Variants in HPSE observed in about 807,000 individuals in gnomAD.
HPSE encodes the protein heparanase.
A neutral mutation model predicts 65.1 loss-of-function variants in HPSE; 48 were observed. The ratio of observed to expected loss-of-function variants is 0.74; its 90% CI spans 0.58 to 0.94. HPSE has a LOEUF of 0.94. HPSE is among the 40% of genes least tolerant of loss of function. HPSE has a pLI of 0.00. For synonymous variants in HPSE, 243 were observed against 260.0 expected (o/e 0.93, Z 0.63); for missense variants, 644 against 637.5 (o/e 1.01, Z -0.11).
intron 2 of HPSE, among the ~76,000 whole-genome samples, chr4:83,320,363 G>A (rs1736839037): frequency 6.6e-6 from 1 of 152,124 alleles, no homozygotes; most frequent in African/African-American, 2.4e-5. Flanking sequence ...TCAGGAGTTT[G>A]AGACTAGCCT....
chr4:83,314,905 C>A (rs1355902727), intron 3 of HPSE, among the ~76,000 whole-genome samples: 1 of 152,118 alleles, frequency 6.6e-6, no homozygotes, highest in African/African-American at 2.4e-5. Flanking sequence ...CCTGTAATCC[C>A]AGCACTTTGG....
chr4:83,302,103 T>TA, intron 10 of HPSE, 47 bp downstream of exon 10: 1 of 1,264,274 alleles, frequency 7.9e-7, no homozygotes, highest in Non-Finnish European at 1.2e-6. Flanking sequence ...GTTACAGGCT[T>TA]ACCCACTAAA....
rs1439723102 is a variant in HPSE, at chr4:83,292,853, T to G, written c.*2491A>C. On this transcript the variant is annotated 3_prime_UTR_variant, in exon 12 of 12. Coordinates refer to ENST00000311412, the MANE Select transcript of HPSE (RefSeq NM_001098540.3). Reference sequence around the variant, plus strand: ...CAGTGGTATAAGGGATGTTGGAGACTCAGAAGGGAAGAGGGCGGAAGGAGG... The same window carrying G: ...CAGTGGTATAAGGGATGTTGGAGACGCAGAAGGGAAGAGGGCGGAAGGAGG... 1 of 152,132 alleles carries G rather than the reference T, an allele frequency of 6.6e-6. No homozygotes were observed. The highest frequency in any genetic ancestry group is 1.5e-5 in the Non-Finnish European group (1 of 68,042). The allele number at this position is 152,132 out of a possible 1,614,324, so 9.4% of individuals were successfully genotyped here.
chr4:83,302,406 C>CTTT (rs779578507), intron 9 of HPSE, 138 bp from the exon 10 acceptor site: 11 of 502,372 alleles, frequency 2.2e-5, no homozygotes, highest in Admixed American at 7.4e-5. Context: ...TAGGATTCAT[C>CTTT]TTTTTTTTTT....
chr4:83,332,650 TATC>T (rs1424557914), intron 1 of HPSE, among the ~76,000 whole-genome samples: 2 of 152,276 alleles, frequency 1.3e-5, no homozygotes, highest in East Asian at 3.9e-4. Flanking sequence ...AGAATAAAGG[TATC>T]ATCCTCACTA....
Position 83,312,949 on chromosome 4 carries a change from G to A in HPSE, c.673+165C>T, listed in dbSNP as rs1407970214. ...AGGCAGGAGAATGGCGTGAATTTGG[G>A]AGGCAGAGCTTCAAGTGAGCCGAGG... is the stretch of plus-strand genomic sequence containing the variant. On this transcript the variant is annotated intron_variant, in intron 4 of 11. Transcript: ENST00000311412. 4.1e-5 allele frequency among the ~76,000 whole-genome samples: 6 copies of A among 147,432 alleles called. No individual in the cohort carries two copies. The South Asian group carries it at 1.1e-3, about 26-fold the overall frequency.
chr4:83,313,437 A>C (rs1410782054), intron 3 of HPSE, 150 bp from the exon 4 acceptor site: 1 of 552,462 alleles, frequency 1.8e-6, no homozygotes, highest in African/African-American at 2.2e-5. Context: ...TTGAGACAAC[A>C]AAATTGGACA....
At chr4:83,322,785 TTGTTTGTGTGTGTGTGTGTGTGTGTG>T (rs1293772334) in intron 1 of HPSE, among the ~76,000 whole-genome samples, 80 of 78,878 alleles carry the variant, frequency 1.0e-3, no homozygotes, top group Non-Finnish European at 2.1e-3. Context: ...TGGCAAGAGC[TTGTTTGTGTGTGTGTGTGTGTGTGTG>T]TGTGTGTGTG....
At chr4:83,316,275 C>T (rs1025385695) in intron 3 of HPSE, among the ~76,000 whole-genome samples, 3 of 151,800 alleles carry the variant, frequency 2.0e-5, no homozygotes, top group Non-Finnish European at 4.4e-5. Context: ...GATCCACCTG[C>T]CTCAGCCTCT....
chr4:83,333,779 C>T (rs1316901370), intron 1 of HPSE, among the ~76,000 whole-genome samples: 1 of 151,418 alleles, frequency 6.6e-6, no homozygotes, highest in African/African-American at 2.4e-5. Context: ...GCAGTAGTCT[C>T]CTAGGTCTCA....
intron 9 of HPSE, among the ~76,000 whole-genome samples, chr4:83,304,591 T>C (rs900728910): frequency 3.3e-5 from 5 of 152,060 alleles, no homozygotes; most frequent in African/African-American, 1.2e-4. Context: ...ACTGGGAGGC[T>C]GAGGTGGGAT....
At chr4:83,311,456 G>A (rs1439580309) in intron 4 of HPSE, among the ~76,000 whole-genome samples, 2 of 152,076 alleles carry the variant, frequency 1.3e-5, no homozygotes, top group African/African-American at 2.4e-5. Context: ...AATGGATATG[G>A]ATATCTGGGA....
intron 3 of HPSE, among the ~76,000 whole-genome samples, chr4:83,318,422 C>G (rs915068896): frequency 6.6e-6 from 1 of 151,954 alleles, no homozygotes; most frequent in Admixed American, 6.6e-5. Flanking sequence ...GTCAGGAGTT[C>G]GAGACGAGCC....
rs1735686985 is a variant in HPSE at position 83,295,411 on chromosome 4, A to G, written c.1565T>C (p.Leu522Pro). 6.2e-7 allele frequency: 1 copy of G among 1,613,658 alleles called. No homozygotes were observed. Among genetic ancestry groups the G allele is most frequent in the African/African-American group, 1.3e-5 (1 of 74,922 alleles). ...MEKPLRPGSS[L>P]GLPAFSYSFF... ...ACTATATGAGAAAGCTGGCAAGCCCAGTGAACTTCCTGGCCGGAGAGGTTT... is the reference window on the plus strand; with the variant it reads ...ACTATATGAGAAAGCTGGCAAGCCCGGTGAACTTCCTGGCCGGAGAGGTTT... Residue 522 changes from leucine (L) to proline (P), a missense_variant, in exon 12 of 12, where the codon CTG (leucine) becomes CCG (proline). By Grantham distance (98) the Leu-to-Pro change is moderately conservative (BLOSUM62 -3). Coordinates refer to ENST00000311412, the MANE Select transcript of HPSE (RefSeq NM_001098540.3).
chr4:83,307,278 G>A (rs1396617895), intron 8 of HPSE, among the ~76,000 whole-genome samples: 1 of 152,158 alleles, frequency 6.6e-6, no homozygotes, highest in African/African-American at 2.4e-5. Context: ...CCTGTTGGGT[G>A]GTTACAGGAC....
At chr4:83,308,119 A>T (rs565815549) in intron 8 of HPSE, among the ~76,000 whole-genome samples, 1 of 149,886 alleles carries the variant, frequency 6.7e-6, no homozygotes, top group Admixed American at 6.7e-5. Flanking sequence ...TTTAAGAGAC[A>T]GGGTGTGGCC....
At chr4:83,308,990 G>C in intron 7 of HPSE, 39 bp from the exon 8 acceptor site, 1 of 1,542,772 alleles carries the variant, frequency 6.5e-7, no homozygotes, top group Non-Finnish European at 9.0e-7. Context: ...TTGCAAAAAA[G>C]CTGACCTGTG....
At chr4:83,322,789 T>TTTTG (rs1553920742) in intron 1 of HPSE, among the ~76,000 whole-genome samples, 11,513 of 103,942 alleles carry the variant, frequency 0.11, 921 homozygotes, top group Middle Eastern at 0.15. Context: ...AAGAGCTTGT[T>TTTTG]TGTGTGTGTG....
chr4:83,331,161 G>A (rs1439895296), intron 1 of HPSE, among the ~76,000 whole-genome samples: 8 of 151,852 alleles, frequency 5.3e-5, no homozygotes, highest in Admixed American at 3.9e-4. Flanking sequence ...CCGAGGTAAC[G>A]CCATTGTACT....
Sources: allele counts gnomAD v4.1 joint callset (sites outside exome capture counted in the v4.1 genomes callset), GRCh38; gene constraint gnomAD v4.1.1; transcripts MANE v1.5; gene names NCBI Gene and HGNC (gene_info 2026-07-23, HGNC 2026-07-21).